Variants in ADAM10 observed in about 807,000 individuals in gnomAD.
ADAM10 encodes disintegrin and metalloproteinase domain-containing protein 10.
Under a neutral mutation model 90.1 loss-of-function variants are expected in ADAM10, and 17 were observed. That is an observed-to-expected ratio of 0.19 (90% confidence interval 0.13 to 0.28). The LOEUF is 0.28. Among genes scored for constraint, ADAM10 ranks in the 10% least tolerant of loss-of-function variants. The pLI is 1.00. For missense variants in ADAM10, 610 were observed against 914.3 expected (o/e 0.67, Z 4.29); for synonymous variants, 310 against 298.6 (o/e 1.04, Z -0.40).
At chr15:58,620,509 C>T (rs1432029568) in intron 11 of ADAM10, among the ~76,000 whole-genome samples, 1 of 151,740 alleles carries the variant, frequency 6.6e-6, no homozygotes, top group East Asian at 1.9e-4. Flanking sequence ...ATTGCTTACA[C>T]TGCTACCAAA....
At position 58,655,715 on chromosome 15, in the gene ADAM10, A is replaced by G. The variant is rs1197571932; in HGVS notation, c.585+9382T>C. On this transcript the variant is annotated intron_variant, in intron 5 of 15. Transcript: ENST00000260408. ...TATATAGTATATATATATATAGTAT[A>G]TATATATATATATATATATATATAT... Among the ~76,000 whole-genome samples the G allele has an allele frequency of 3.2e-3, 208 of 65,136 alleles. 9 individuals are homozygous for G. The highest frequency in any genetic ancestry group is 9.5e-3 in the East Asian group (6 of 634). The allele number at this position is 65,136 out of a possible 152,430, so 42.7% of individuals were successfully genotyped here.
chr15:58,745,183 A>G (rs914237618), intron 1 of ADAM10, among the ~76,000 whole-genome samples: 4 of 152,226 alleles, frequency 2.6e-5, no homozygotes, highest in African/African-American at 9.6e-5. Context: ...ATTCCATCTC[A>G]AAAAAATAAA....
At chr15:58,743,758 C>T (rs548412506) in intron 1 of ADAM10, among the ~76,000 whole-genome samples, 2 of 152,276 alleles carry the variant, frequency 1.3e-5, no homozygotes, top group East Asian at 3.9e-4. Context: ...GCGCCTGCCA[C>T]CACACCAAGC....
chr15:58,735,244 C>T (rs1434108832), intron 1 of ADAM10, among the ~76,000 whole-genome samples: 1 of 152,170 alleles, frequency 6.6e-6, no homozygotes, highest in Admixed American at 6.5e-5. Flanking sequence ...GATTCCTTAT[C>T]ACCTACTCTA....
chr15:58,741,767 G>T (rs1273635189), intron 1 of ADAM10, among the ~76,000 whole-genome samples: 1 of 151,928 alleles, frequency 6.6e-6, no homozygotes. Flanking sequence ...TCTAATCCAA[G>T]ACTCAATCAC....
In ADAM10 at chr15:58,620,684, C is replaced by T. The variant is rs1315134739; in HGVS notation, c.1511+787G>A. ...TATTTTTTTTTTTTTTTTTTTGAGA[C>T]GGAGTCTCGCTCTGTCGCCCAGGCC... On this transcript the variant is annotated intron_variant, in intron 11 of 15. Transcript: ENST00000260408. Among the ~76,000 whole-genome samples the T allele has an allele frequency of 1.4e-4, 4 of 27,976 alleles. 1 individual carries two copies. Among genetic ancestry groups the T allele is most frequent in the African/African-American group, 1.0e-3 (1 of 982 alleles). The allele number at this position is 27,976 out of a possible 152,430, so 18.4% of individuals were successfully genotyped here.
At chr15:58,658,588 G>A (rs1212287709) in intron 5 of ADAM10, among the ~76,000 whole-genome samples, 1 of 152,058 alleles carries the variant, frequency 6.6e-6, no homozygotes, top group Non-Finnish European at 1.5e-5. Context: ...ACAATTTGGG[G>A]AGAACTGACA....
chr15:58,606,071 T>G (rs1895264261), intron 14 of ADAM10, among the ~76,000 whole-genome samples: 1 of 152,184 alleles, frequency 6.6e-6, no homozygotes, highest in Non-Finnish European at 1.5e-5. Context: ...ATCCTTTCAA[T>G]GAATACTGCA....
intron 1 of ADAM10, among the ~76,000 whole-genome samples, chr15:58,744,209 A>C (rs1231993498): frequency 6.8e-6 from 1 of 147,716 alleles, no homozygotes; most frequent in Non-Finnish European, 1.5e-5. Flanking sequence ...TCAATGCTAA[A>C]CTCTACAAAG....
At chr15:58,698,936 G>C (rs774648140) in intron 2 of ADAM10, among the ~76,000 whole-genome samples, 1 of 152,126 alleles carries the variant, frequency 6.6e-6, no homozygotes, top group Non-Finnish European at 1.5e-5. Context: ...CCCAGATATA[G>C]GAACCTCAGA....
intron 4 of ADAM10, among the ~76,000 whole-genome samples, chr15:58,667,486 T>C (rs954937086): frequency 6.6e-6 from 1 of 152,148 alleles, no homozygotes; most frequent in Non-Finnish European, 1.5e-5. Flanking sequence ...ATCCAAGGCC[T>C]TGGCTATGAG....
chr15:58,647,835 G>A (rs1043489790), intron 5 of ADAM10, among the ~76,000 whole-genome samples: 1 of 152,160 alleles, frequency 6.6e-6, no homozygotes, highest in Non-Finnish European at 1.5e-5. Context: ...TTACAGGCAG[G>A]AGCCACTGTG....
chr15:58,724,385 T>G (rs1238606856), intron 1 of ADAM10, among the ~76,000 whole-genome samples: 1 of 152,118 alleles, frequency 6.6e-6, no homozygotes, highest in African/African-American at 2.4e-5. Context: ...CACTAGCTAC[T>G]TCAGGAGTAA....
chr15:58,701,476 TAATA>T (rs1898133894), intron 2 of ADAM10, among the ~76,000 whole-genome samples: 1 of 152,164 alleles, frequency 6.6e-6, no homozygotes, highest in Non-Finnish European at 1.5e-5. Context: ...ATTAAAAAGA[TAATA>T]AATAACAAAT....
At chr15:58,643,514 GA>G (rs1433779644) in intron 7 of ADAM10, among the ~76,000 whole-genome samples, 2 of 152,224 alleles carry the variant, frequency 1.3e-5, no homozygotes, top group South Asian at 2.1e-4. Flanking sequence ...AACATACAGT[GA>G]AAAACACTGC....
chr15:58,666,578 A>G (rs529972636), intron 4 of ADAM10, among the ~76,000 whole-genome samples: 2 of 152,148 alleles, frequency 1.3e-5, no homozygotes, highest in South Asian at 2.1e-4. Context: ...TTAATAATCA[A>G]TGGGGAAAAA....
At chr15:58,685,555 T>TAC (rs1897571227) in intron 2 of ADAM10, among the ~76,000 whole-genome samples, 10 of 44,710 alleles carry the variant, frequency 2.2e-4, no homozygotes. Flanking sequence ...AATATATATA[T>TAC]ATATATATAT....
At chr15:58,744,256 G>A (rs559956493) in intron 1 of ADAM10, among the ~76,000 whole-genome samples, 5 of 152,036 alleles carry the variant, frequency 3.3e-5, no homozygotes, top group African/African-American at 9.6e-5. Context: ...GGGTAGGGGT[G>A]GGGGGCAGGG....
chr15:58,713,808 T>C (rs1386465640), intron 2 of ADAM10, among the ~76,000 whole-genome samples: 3 of 150,678 alleles, frequency 2.0e-5, no homozygotes, highest in Non-Finnish European at 4.4e-5. Context: ...TTTCATAGAA[T>C]TCTTTTCTTT....
Sources: allele counts gnomAD v4.1 joint callset (sites outside exome capture counted in the v4.1 genomes callset), GRCh38; gene constraint gnomAD v4.1.1; transcripts MANE v1.5; gene names NCBI Gene and HGNC (gene_info 2026-07-23, HGNC 2026-07-21).